Variants in GTF3C4 observed in about 807,000 individuals in gnomAD.
The protein encoded by GTF3C4 is general transcription factor 3C polypeptide 4.
In GTF3C4, 28 loss-of-function variants were observed where a neutral mutation model predicts 67.5. The observed-to-expected ratio is 0.41, with a 90% CI of 0.31 to 0.57. The LOEUF is 0.57. Ranked by LOEUF, GTF3C4 falls within the 20% of genes least tolerant of loss-of-function variation. GTF3C4 has a pLI of 0.21. For missense variants in GTF3C4, 831 were observed against 1,033.2 expected, an observed-to-expected ratio of 0.80 and a Z score of 2.68; for synonymous variants, 409 against 393.0, an observed-to-expected ratio of 1.04 and a Z score of -0.48.
chr9:132,683,802 C>A, intron 3 of GTF3C4, 109 bp downstream of exon 3: 3 of 1,075,588 alleles, frequency 2.8e-6, no homozygotes, highest in Non-Finnish European at 3.9e-6. Context: ...GTTGCCCTTG[C>A]CAATTTGTTG....
At chr9:132,684,147 C>T (rs1210452765) in intron 3 of GTF3C4, among the ~76,000 whole-genome samples, 1 of 152,176 alleles carries the variant, frequency 6.6e-6, no homozygotes, top group Non-Finnish European at 1.5e-5. Context: ...ATGGGCACCT[C>T]AGCTGTCTGT....
chr9:132,671,256 C>G (rs947510230), intron 1 of GTF3C4, among the ~76,000 whole-genome samples: 1 of 152,194 alleles, frequency 6.6e-6, no homozygotes, highest in African/African-American at 2.4e-5. Flanking sequence ...CGGGCCCGCA[C>G]ATGGAGCGGG....
chr9:132,683,749 A>G, intron 3 of GTF3C4, 56 bp downstream of exon 3: 1 of 1,538,406 alleles, frequency 6.5e-7, no homozygotes, highest in Non-Finnish European at 8.8e-7. Flanking sequence ...GTGTAGCACA[A>G]ACTACTGTAT....
At chr9:132,677,346 G>A (rs1001846808) in intron 1 of GTF3C4, among the ~76,000 whole-genome samples, 5 of 152,214 alleles carry the variant, frequency 3.3e-5, no homozygotes, top group African/African-American at 1.2e-4. Flanking sequence ...GGTTTGCGGT[G>A]AGCCGAGATT....
chr9:132,670,426 C>G (rs1227892790), upstream of GTF3C4: 2 of 990,948 alleles, frequency 2.0e-6, no homozygotes, highest in African/African-American at 1.7e-5. Context: ...CCTTGGCCAC[C>G]TGGTAGGGCC....
chr9:132,688,959 GGAA>G lies in GTF3C4; in HGVS notation c.*17_*19del. 6.3e-7 allele frequency: 1 copy of G among 1,585,316 alleles called. No homozygotes were observed. Among genetic ancestry groups the G allele is most frequent in the Non-Finnish European group, 8.7e-7 (1 of 1,154,442 alleles). On this transcript the variant is annotated 3_prime_UTR_variant, in exon 5 of 5. Transcript: ENST00000372146. Reference sequence around the variant, plus strand: ...CCTGTCTTCTAAATAATCAGTGACGGGAAGATGGAAGGGCATGATGAACTCTGC... The same window carrying G: ...CCTGTCTTCTAAATAATCAGTGACGGGATGGAAGGGCATGATGAACTCTGC...
chr9:132,676,457 T>A (rs1835866504), intron 1 of GTF3C4, among the ~76,000 whole-genome samples: 1 of 151,860 alleles, frequency 6.6e-6, no homozygotes, highest in Non-Finnish European at 1.5e-5. Context: ...TAGCTGGGGT[T>A]ATGGGTGCCC....
Position 132,678,716 on chromosome 9 carries a change from T to C in GTF3C4, c.1097T>C (p.Met366Thr). ...LRQPVILWKE[M>T]DQLPVHSIKC... ...CAGCCTGTTATCTTGTGGAAAGAAA[T>C]GGACCAGTTACCTGTGCACAGTATC... The change falls in exon 2 of 5, where the codon ATG (methionine) becomes ACG (threonine). Residue 366 changes from methionine to threonine, a missense_variant. By Grantham distance (81) the Met-to-Thr change is moderately conservative. Transcript: ENST00000372146. This position sits in a 1 kb window ranked among gnomAD's most constrained non-coding sequence, Gnocchi z 6.5. The C allele has an allele frequency of 6.2e-7, 1 of 1,614,182 alleles. No individual in the cohort carries two copies. The highest frequency in any genetic ancestry group is 8.5e-7 in the Non-Finnish European group (1 of 1,180,010).
rs528734639 is a variant in GTF3C4 at position 132,678,908 on chromosome 9, C to G, written c.1289C>G (p.Thr430Ser). ...GLHSLPIVSM[T>S]ADKQNGTVYT... Reference sequence around the variant, plus strand: ...CACTCACTGCCAATTGTCTCCATGACTGCAGACAAACAGAATGGAACAGTC... The same window carrying G: ...CACTCACTGCCAATTGTCTCCATGAGTGCAGACAAACAGAATGGAACAGTC... The change falls in exon 2 of 5, where the codon ACT becomes AGT. Residue 430 changes from threonine (T) to serine (S), a missense_variant. Transcript: ENST00000372146. The surrounding 1 kb of genome is among the most constrained non-coding windows in gnomAD (Gnocchi z 6.5). 6.2e-7 allele frequency: 1 copy of G among 1,614,102 alleles called. No individual in the cohort carries two copies. Among genetic ancestry groups the G allele is most frequent in the Admixed American group, 1.7e-5 (1 of 60,030 alleles).
At position 132,677,050 on chromosome 9, in the gene GTF3C4, C is replaced by G. The variant is rs145338633; in HGVS notation, c.358-927C>G. Among the ~76,000 whole-genome samples, 16 of 152,182 alleles carry G rather than the reference C, an allele frequency of 1.1e-4. No individual in the cohort carries two copies. In the East Asian group the frequency reaches 2.9e-3, roughly 28 times the overall value. On this transcript the variant is annotated intron_variant, in intron 1 of 4. Coordinates refer to ENST00000372146, the MANE Select transcript of GTF3C4 (RefSeq NM_012204.4). ...TTCCTATTTTTTTATGGTTCTGAACCACTTTCTTTTGGTCATTTATCTCTT... is the reference window on the plus strand; with the variant it reads ...TTCCTATTTTTTTATGGTTCTGAACGACTTTCTTTTGGTCATTTATCTCTT...
chr9:132,682,991 C>T (rs575916), intron 2 of GTF3C4, among the ~76,000 whole-genome samples: 4 of 151,942 alleles, frequency 2.6e-5, no homozygotes, highest in Admixed American at 6.6e-5. Context: ...CTCCCAGCTT[C>T]TTGCTCCTAT....
chr9:132,670,212 C>T (rs780028686), upstream of GTF3C4: 1 of 1,564,644 alleles, frequency 6.4e-7, no homozygotes, highest in South Asian at 1.2e-5. Flanking sequence ...GCTGGGGAAG[C>T]TCTCTGAATG....
chr9:132,675,488 A>G (rs978741702), intron 1 of GTF3C4, among the ~76,000 whole-genome samples: 1 of 152,186 alleles, frequency 6.6e-6, no homozygotes, highest in African/African-American at 2.4e-5. Flanking sequence ...ACTGCCTAAA[A>G]CACCATTCCC....
rs1835708608 is a variant in GTF3C4 at position 132,670,657 on chromosome 9, G to T, written c.59G>T (p.Gly20Val). 2 of 1,491,500 alleles carry T rather than the reference G, an allele frequency of 1.3e-6. No individual in the cohort carries two copies. The highest frequency in any genetic ancestry group is 1.8e-6 in the Non-Finnish European group (2 of 1,130,100). 92.4% of individuals were successfully genotyped at this position (1,491,500 alleles called of 1,614,324 possible). Residue 20 changes from glycine to valine, a missense_variant, in exon 1 of 5, where the codon GGG (glycine) becomes GTG (valine). Physicochemically the swap from Gly to Val is moderately radical, Grantham distance 109. Transcript: ENST00000372146. The part of the protein sequence containing the change: ...GPADDGPAPS[G>V]EEEGEGGGEA... ...GCGGACGACGGGCCTGCGCCGTCTG[G>T]GGAGGAGGAGGGAGAGGGGGGCGGC...
chr9:132,676,645 G>C (rs1835868997), intron 1 of GTF3C4, among the ~76,000 whole-genome samples: 1 of 151,942 alleles, frequency 6.6e-6, no homozygotes, highest in Non-Finnish European at 1.5e-5. Flanking sequence ...TTAACTCTTT[G>C]TTGCACTCTG....
intron 4 of GTF3C4, among the ~76,000 whole-genome samples, chr9:132,687,895 G>C (rs1157859499): frequency 7.2e-5 from 11 of 152,210 alleles, no homozygotes; most frequent in Non-Finnish European, 1.6e-4. Context: ...ATTTTGTCCT[G>C]ACGTTAATAA....
chr9:132,682,898 C>T (rs1835967735), intron 2 of GTF3C4, among the ~76,000 whole-genome samples: 1 of 152,130 alleles, frequency 6.6e-6, no homozygotes, highest in African/African-American at 2.4e-5. Flanking sequence ...GCCACTGTGC[C>T]CAGCCAAGAG....
chr9:132,687,061 T>C (rs1564358279), intron 3 of GTF3C4, among the ~76,000 whole-genome samples, 178 bp from the exon 4 acceptor site: 1 of 152,198 alleles, frequency 6.6e-6, no homozygotes, highest in Non-Finnish European at 1.5e-5. Flanking sequence ...GCATGGAGTA[T>C]TGGTTTGGCC....
chr9:132,676,381 C>T (rs1835865748), intron 1 of GTF3C4, among the ~76,000 whole-genome samples: 1 of 148,906 alleles, frequency 6.7e-6, no homozygotes, highest in Non-Finnish European at 1.5e-5. Flanking sequence ...TGCAGTGGCG[C>T]AATCTCGGCT....
Sources: gnomAD v4.1 joint callset for allele counts (sites outside exome capture counted in the v4.1 genomes callset) on GRCh38, gnomAD v4.1.1 for gene constraint, Gnocchi (gnomAD v3.1) non-coding constraint, MANE v1.5 for transcripts, NCBI Gene and HGNC (gene_info 2026-07-23, HGNC 2026-07-21) for gene names.